DACH1: variants seen among roughly 807,000 people sequenced by gnomAD.
DACH1 encodes the protein dachshund family transcription factor 1.
Under a neutral mutation model 54.2 loss-of-function variants are expected in DACH1, and 12 were observed. The observed-to-expected ratio is 0.22, with a 90% confidence interval of 0.14 to 0.36. The LOEUF (loss-of-function observed/expected upper bound fraction) is 0.36, where lower values mean the gene tolerates loss of function less well. DACH1 is among the 10% of genes least tolerant of loss of function. The pLI, the probability that DACH1 is intolerant of heterozygous loss-of-function variation, is 1.00. For missense variants in DACH1, 805 were observed against 929.8 expected, an observed-to-expected ratio of 0.87 and a Z score of 1.75; for synonymous variants, 386 against 366.2, an observed-to-expected ratio of 1.05 and a Z score of -0.62.
At chr13:71,839,056 G>A (rs771941130) in intron 1 of DACH1, among the ~76,000 whole-genome samples, 9 of 152,080 alleles carry the variant, frequency 5.9e-5, no homozygotes, top group Non-Finnish European at 1.0e-4. Flanking sequence ...TGACTCAGCA[G>A]CACAGAAAGA....
intron 6 of DACH1, among the ~76,000 whole-genome samples, chr13:71,518,689 A>G (rs1881342579): frequency 6.6e-6 from 1 of 151,670 alleles, no homozygotes; most frequent in African/African-American, 2.4e-5. Flanking sequence ...ATTTTTTTGA[A>G]CCTTTTAGAT....
chr13:71,678,571 C>A (rs544443689), intron 2 of DACH1, among the ~76,000 whole-genome samples: 189 of 152,284 alleles, frequency 1.2e-3, no homozygotes, highest in African/African-American at 3.6e-3. Flanking sequence ...GTCTACAGGG[C>A]ACTAAACTAA....
At chr13:71,453,061 T>C (rs967859708) in intron 10 of DACH1, among the ~76,000 whole-genome samples, 2 of 152,172 alleles carry the variant, frequency 1.3e-5, no homozygotes, top group Non-Finnish European at 1.5e-5. Context: ...AAATATTCAT[T>C]AGTAAGAAGC....
chr13:71,615,038 T>G (rs140937640), intron 3 of DACH1, among the ~76,000 whole-genome samples: 176 of 151,938 alleles, frequency 1.2e-3, no homozygotes, highest in African/African-American at 4.2e-3. Context: ...ATGTAAAAAT[T>G]TCCATATTTA....
intron 10 of DACH1, among the ~76,000 whole-genome samples, chr13:71,444,031 G>A (rs1222937788): frequency 6.6e-6 from 1 of 151,998 alleles, no homozygotes; most frequent in African/African-American, 2.4e-5. Context: ...CATTATATGA[G>A]TAATATATAA....
intron 1 of DACH1, among the ~76,000 whole-genome samples, chr13:71,843,973 A>T (rs1026897481): frequency 6.6e-6 from 1 of 152,330 alleles, no homozygotes; most frequent in East Asian, 1.9e-4. Flanking sequence ...AATGCGAAGA[A>T]TCAAACTGCA....
At chr13:71,488,812 T>C (rs1878751173) in intron 7 of DACH1, among the ~76,000 whole-genome samples, 185 bp downstream of exon 7, 1 of 151,338 alleles carries the variant, frequency 6.6e-6, no homozygotes, top group South Asian at 2.1e-4. Context: ...TATATATATA[T>C]ATATGAGTAT....
chr13:71,781,939 C>T (rs542703960), intron 1 of DACH1, among the ~76,000 whole-genome samples: 26 of 152,250 alleles, frequency 1.7e-4, no homozygotes, highest in African/African-American at 3.6e-4. Flanking sequence ...ATCATCCCAT[C>T]TTCAGAAAGC....
chr13:71,701,522 G>C (rs1387947804), intron 1 of DACH1, among the ~76,000 whole-genome samples: 2 of 151,954 alleles, frequency 1.3e-5, no homozygotes, highest in African/African-American at 4.8e-5. Flanking sequence ...AAACATCAAA[G>C]ATGCAATCCA....
chr13:71,597,367 A>AT (rs751945841), intron 3 of DACH1, among the ~76,000 whole-genome samples: 4 of 152,196 alleles, frequency 2.6e-5, no homozygotes, highest in South Asian at 2.1e-4. Flanking sequence ...AGTATACATA[A>AT]TTTTTTTAAA....
At chr13:71,851,868 G>A (rs139576785) in intron 1 of DACH1, among the ~76,000 whole-genome samples, 33 of 152,220 alleles carry the variant, frequency 2.2e-4, no homozygotes, top group African/African-American at 7.7e-4. Context: ...TGAGACCCCA[G>A]AGATTCTTAA....
In DACH1 at chr13:71,699,989, G is replaced by A. The variant is rs78087931; in HGVS notation, c.849-18079C>T. The stretch of plus-strand genomic sequence containing the variant: ...AATTGCTTAAAACAGTTAATTACAC[G>A]TTTTAATTTTACCAATTATTTTTTG... On this transcript the variant is annotated intron_variant, in intron 1 of 10. Coordinates refer to ENST00000613252, the MANE Select transcript of DACH1 (RefSeq NM_080759.6). Among the ~76,000 whole-genome samples, 803 of 152,130 alleles carry A rather than the reference G, an allele frequency of 5.3e-3. 8 individuals carry two copies. Among genetic ancestry groups the A allele is most frequent in the African/African-American group, 0.018 (765 of 41,496 alleles).
intron 1 of DACH1, among the ~76,000 whole-genome samples, chr13:71,808,895 A>G (rs1887609021): frequency 6.6e-6 from 1 of 152,180 alleles, no homozygotes; most frequent in South Asian, 2.1e-4. Context: ...TTAATTGCAG[A>G]ACTTAAAACC....
At chr13:71,571,728 G>C (rs929431372) in intron 4 of DACH1, among the ~76,000 whole-genome samples, 3 of 147,224 alleles carry the variant, frequency 2.0e-5, no homozygotes, top group South Asian at 4.2e-4. Flanking sequence ...TAGTAACAGG[G>C]CCTTTTTTTT....
chr13:71,604,656 C>T (rs1216726855), intron 3 of DACH1, among the ~76,000 whole-genome samples: 1 of 151,926 alleles, frequency 6.6e-6, no homozygotes, highest in Non-Finnish European at 1.5e-5. Context: ...GCTCAACTCT[C>T]AGTATCTAAA....
chr13:71,620,378 C>T (rs1401975446), intron 3 of DACH1, among the ~76,000 whole-genome samples: 6 of 151,798 alleles, frequency 4.0e-5, no homozygotes, highest in Non-Finnish European at 8.8e-5. Flanking sequence ...CTATTTCTCC[C>T]AAAAACAAAC....
intron 1 of DACH1, among the ~76,000 whole-genome samples, chr13:71,833,875 C>T (rs117624400): frequency 5.3e-4 from 81 of 151,974 alleles, no homozygotes; most frequent in Non-Finnish European, 9.4e-4. Flanking sequence ...ATAAGTAAAA[C>T]GTAGATTAAT....
chr13:71,726,185 A>T (rs1345900764), intron 1 of DACH1, among the ~76,000 whole-genome samples: 3 of 152,090 alleles, frequency 2.0e-5, no homozygotes, highest in Admixed American at 1.3e-4. Context: ...TGCTACAGGG[A>T]GTTGAGGCGA....
chr13:71,749,984 C>G (rs373102192), intron 1 of DACH1, among the ~76,000 whole-genome samples: 1 of 152,164 alleles, frequency 6.6e-6, no homozygotes, highest in East Asian at 1.9e-4. Flanking sequence ...TTATCTCAAA[C>G]TTTTATGCTT....
Sources: gnomAD v4.1 joint callset for allele counts (sites outside exome capture counted in the v4.1 genomes callset) on GRCh38, gnomAD v4.1.1 for gene constraint, MANE v1.5 for transcripts, NCBI Gene and HGNC (gene_info 2026-07-23, HGNC 2026-07-21) for gene names.